SVEP1: variants seen among roughly 807,000 people sequenced by gnomAD.
SVEP1 encodes the protein sushi, von Willebrand factor type A, EGF and pentraxin domain containing 1.
SVEP1 carries 164 observed loss-of-function variants against 367.3 expected under a neutral mutation model. The ratio of observed to expected loss-of-function variants is 0.45; its 90% CI spans 0.39 to 0.51. The LOEUF (loss-of-function observed/expected upper bound fraction) is 0.51. Among genes scored for constraint, SVEP1 ranks in the 20% least tolerant of loss-of-function variants. SVEP1 has a pLI of 0.00. For missense variants in SVEP1, 4,117 were observed against 4,425.3 expected (o/e 0.93, Z 1.98); for synonymous variants, 1,666 against 1,611.6 (o/e 1.03, Z -0.81).
chr9:110,372,936 G>T (rs563712336), intron 46 of SVEP1, among the ~76,000 whole-genome samples: 7 of 152,192 alleles, frequency 4.6e-5, no homozygotes, highest in African/African-American at 1.7e-4. Flanking sequence ...ACATGCCAAA[G>T]TAGTACATTG....
intron 1 of SVEP1, among the ~76,000 whole-genome samples, chr9:110,566,125 C>T (rs891570903): frequency 1.3e-5 from 2 of 151,914 alleles, no homozygotes; most frequent in East Asian, 3.9e-4. Flanking sequence ...TGAGACCAGC[C>T]TGGGCAACAT....
chr9:110,366,874 C>T (rs1054418893), intron 47 of SVEP1, among the ~76,000 whole-genome samples: 2 of 152,214 alleles, frequency 1.3e-5, no homozygotes, highest in African/African-American at 4.8e-5. Flanking sequence ...CTAAAGGTCT[C>T]TTAGTCCATT....
chr9:110,394,764 C>T (rs1158890383), intron 40 of SVEP1, among the ~76,000 whole-genome samples: 1 of 151,446 alleles, frequency 6.6e-6, no homozygotes, highest in Non-Finnish European at 1.5e-5. Flanking sequence ...GATGGAAGAT[C>T]AAATGAATGA....
intron 36 of SVEP1, among the ~76,000 whole-genome samples, chr9:110,423,995 A>G (rs2118534218): frequency 6.6e-6 from 1 of 152,354 alleles, no homozygotes; most frequent in East Asian, 1.9e-4. Flanking sequence ...TGTGATAAAC[A>G]CTATTGTAGG....
At chr9:110,399,354 G>A (rs1042272756) in intron 40 of SVEP1, among the ~76,000 whole-genome samples, 9 of 150,524 alleles carry the variant, frequency 6.0e-5, no homozygotes, top group Admixed American at 2.7e-4. Flanking sequence ...GTGGGGTCGG[G>A]GGAGGGATAG....
In SVEP1 at chr9:110,411,171, C is replaced by T; in HGVS notation, c.6540G>A (p.Gly2180=). 1 of 1,613,966 alleles carries T rather than the reference C, an allele frequency of 6.2e-7. No homozygotes were observed. The highest frequency in any genetic ancestry group is 8.5e-7 in the Non-Finnish European group (1 of 1,179,880). The change falls in exon 37 of 48, where the codon GGG becomes GGA. Residue 2180 remains glycine (G), a synonymous_variant. Coordinates refer to ENST00000374469, the MANE Select transcript of SVEP1 (RefSeq NM_153366.4). ...YSCNKGFYIK[G]EKKSTCEATG... is the part of the protein sequence containing the mutation. ...TGGCTTCGCAGGTGCTCTTCTTTTC[C>T]CCTTTGATGTAGAACCCCTTGTTGC...
In SVEP1 at chr9:110,435,355, G is replaced by A. The variant is rs971155717; in HGVS notation, c.4774C>T (p.Leu1592=). The A allele has an allele frequency of 6.2e-7, 1 of 1,613,120 alleles. No individual in the cohort carries two copies. The highest frequency in any genetic ancestry group is 8.5e-7 in the Non-Finnish European group (1 of 1,179,310). ...YVLSPQQVKS[L]ATSCPEELSK... is the part of the protein sequence containing the mutation. Reference sequence around the variant, plus strand: ...AGTTCCTCTGGGCAGGAGGTAGCCAGTGACTTCACCTGAAAGTTTAATAAC... The same window carrying A: ...AGTTCCTCTGGGCAGGAGGTAGCCAATGACTTCACCTGAAAGTTTAATAAC... The change falls in exon 29 of 48, where the codon CTG becomes TTG. Residue 1592 remains leucine, a synonymous_variant. Coordinates refer to ENST00000374469, the MANE Select transcript of SVEP1 (RefSeq NM_153366.4).
intron 22 of SVEP1, among the ~76,000 whole-genome samples, chr9:110,453,733 G>C (rs1387823025): frequency 6.6e-6 from 1 of 152,012 alleles, no homozygotes; most frequent in South Asian, 2.1e-4. Context: ...GCCGGGCATG[G>C]TGGCATGCGC....
chr9:110,401,147 C>T, intron 39 of SVEP1, 138 bp from the exon 40 acceptor site: 1 of 997,958 alleles, frequency 1.0e-6, no homozygotes, highest in East Asian at 2.6e-5. Context: ...CCTACTTTTG[C>T]TACTTATTAT....
chr9:110,423,055 G>A (rs1452692362), intron 36 of SVEP1, among the ~76,000 whole-genome samples: 7 of 134,228 alleles, frequency 5.2e-5, no homozygotes, highest in Non-Finnish European at 7.8e-5. Flanking sequence ...CACCAGCATG[G>A]CACATGTATA....
intron 40 of SVEP1, among the ~76,000 whole-genome samples, chr9:110,397,005 C>T (rs995563867): frequency 2.0e-5 from 3 of 152,164 alleles, no homozygotes; most frequent in Non-Finnish European, 4.4e-5. Flanking sequence ...AGGCCAGCAT[C>T]ATCCTGATAC....
In SVEP1 at chr9:110,579,106, G is replaced by C; in HGVS notation, c.438C>G (p.Arg146=). 2 of 1,553,556 alleles carry C rather than the reference G, an allele frequency of 1.3e-6. No homozygotes were observed. The highest frequency in any genetic ancestry group is 2.0e-5 in the Admixed American group (1 of 51,260). The change falls in exon 1 of 48, where the codon CGC becomes CGG. Residue 146 remains arginine (R), a synonymous_variant. Coordinates refer to ENST00000374469, the MANE Select transcript of SVEP1 (RefSeq NM_153366.4). The surrounding 1 kb of genome is among the most constrained non-coding windows in gnomAD (Gnocchi z 5.3). ...RVDYISTRRA[R]QHKCALLLQE... ...GGAGGAGCAGCGCGCACTTGTGCTGGCGCGCGCGGCGGGTGGAGATGTAAT... is the reference window on the plus strand; with the variant it reads ...GGAGGAGCAGCGCGCACTTGTGCTGCCGCGCGCGGCGGGTGGAGATGTAAT...
At chr9:110,534,452 G>A (rs1000647976) in intron 3 of SVEP1, among the ~76,000 whole-genome samples, 5 of 152,058 alleles carry the variant, frequency 3.3e-5, no homozygotes, top group African/African-American at 4.8e-5. Context: ...TTAACTCCAC[G>A]TTGTTGTTAT....
In SVEP1 at chr9:110,579,188, G is replaced by T; in HGVS notation, c.356C>A (p.Ala119Asp). The change falls in exon 1 of 48, where the codon GCC becomes GAC. Residue 119 changes from alanine to aspartate, a missense_variant. Physicochemically the swap from Ala to Asp is moderately radical, Grantham distance 126. Coordinates refer to ENST00000374469, the MANE Select transcript of SVEP1 (RefSeq NM_153366.4). This position sits in a 1 kb window ranked among gnomAD's most constrained non-coding sequence, Gnocchi z 5.3. Reference sequence around the variant, plus strand: ...GAAGGTCACGATGGCCACGCGCGTGGCCGTGGGCACCACGGGGAAGTCGGA... The same window carrying T: ...GAAGGTCACGATGGCCACGCGCGTGTCCGTGGGCACCACGGGGAAGTCGGA... ...LLSDFPVVPT[A>D]TRVAIVTFSS... 6.4e-7 allele frequency: 1 copy of T among 1,569,432 alleles called. No individual in the cohort carries two copies. The highest frequency in any genetic ancestry group is 8.6e-7 in the Non-Finnish European group (1 of 1,158,154).
chr9:110,433,812 C>A (rs955597441), intron 30 of SVEP1, among the ~76,000 whole-genome samples: 7 of 151,910 alleles, frequency 4.6e-5, no homozygotes. Flanking sequence ...TTCTTTACAG[C>A]TCTTGCTTCT....
intron 40 of SVEP1, among the ~76,000 whole-genome samples, chr9:110,400,156 T>C (rs1403131183): frequency 6.6e-6 from 1 of 152,222 alleles, no homozygotes; most frequent in Non-Finnish European, 1.5e-5. Context: ...ATGAGCCCAT[T>C]GTTTGAGGAA....
chr9:110,519,689 G>T (rs1829853701), intron 3 of SVEP1, among the ~76,000 whole-genome samples: 1 of 152,124 alleles, frequency 6.6e-6, no homozygotes, highest in African/African-American at 2.4e-5. Flanking sequence ...TCAAAGGAGG[G>T]CAAAAGAAAA....
At chr9:110,393,699 C>T (rs1268109303) in intron 40 of SVEP1, among the ~76,000 whole-genome samples, 1 of 152,236 alleles carries the variant, frequency 6.6e-6, no homozygotes, top group African/African-American at 2.4e-5. Flanking sequence ...AACAGCAAAC[C>T]AGGAGATTAT....
chr9:110,408,176 T>C lies in SVEP1; in HGVS notation c.7424A>G (p.Asn2475Ser). The stretch of plus-strand genomic sequence containing the variant: ...ATTTTCTCCACAAAGGGTGGTAGTA[T>C]TTCCCACCAATTCAAAGCCTGGCTT... ...TCKPGFELVG[N>S]TTTLCGENGH... Residue 2475 changes from asparagine to serine, a missense_variant, in exon 38 of 48, where the codon AAT (asparagine) becomes AGT (serine). Around this residue, in one of 4 missense-constraint regions of SVEP1, gnomAD observed 1,765 missense variants for 1,781.1 expected, o/e 0.99. Coordinates refer to ENST00000374469, the MANE Select transcript of SVEP1 (RefSeq NM_153366.4). 6.2e-7 allele frequency: 1 copy of C among 1,614,018 alleles called. No homozygotes were observed. Among genetic ancestry groups the C allele is most frequent in the Non-Finnish European group, 8.5e-7 (1 of 1,179,896 alleles).
Sources: allele counts gnomAD v4.1 joint callset (sites outside exome capture counted in the v4.1 genomes callset), GRCh38; gene constraint gnomAD v4.1.1; regional missense constraint gnomAD v4.1.1; non-coding constraint Gnocchi (gnomAD v3.1); transcripts MANE v1.5; gene names NCBI Gene and HGNC (gene_info 2026-07-23, HGNC 2026-07-21).